Variants in PARP8 observed in about 807,000 individuals in gnomAD.
The protein encoded by PARP8 is protein mono-ADP-ribosyltransferase PARP8.
In PARP8, 51 loss-of-function variants were observed where a neutral mutation model predicts 124.1. The ratio of observed to expected loss-of-function variants is 0.41; its 90% confidence interval spans 0.33 to 0.52. The LOEUF (loss-of-function observed/expected upper bound fraction) is 0.52. PARP8 is among the 20% of genes least tolerant of loss of function. The probability of loss-of-function intolerance (pLI) is 0.21; values close to 1 mark genes in which losing one functional copy is unlikely to be tolerated. For synonymous variants in PARP8, 391 were observed against 361.5 expected (o/e 1.08, Z -0.93); for missense variants, 860 against 1,018.9 (o/e 0.84, Z 2.12).
intron 2 of PARP8, among the ~76,000 whole-genome samples, chr5:50,681,003 G>A (rs11750241): frequency 0.85 from 128,717 of 152,136 alleles, 54,828 homozygotes; most frequent in East Asian, 0.96. Flanking sequence ...TTATGCTTAT[G>A]AATTCAAAAG....
chr5:50,704,177 C>T (rs1314535216), intron 2 of PARP8, among the ~76,000 whole-genome samples: 3 of 152,016 alleles, frequency 2.0e-5, no homozygotes, highest in Admixed American at 6.6e-5. Context: ...TTCCTTTACC[C>T]TTTGAAACTT....
chr5:50,739,966 G>T (rs1757878199), intron 2 of PARP8, among the ~76,000 whole-genome samples: 1 of 151,732 alleles, frequency 6.6e-6, no homozygotes, highest in Non-Finnish European at 1.5e-5. Flanking sequence ...GGCCAGGCTG[G>T]TCTTGAACTC....
At chr5:50,776,869 A>G (rs1274541272) in intron 7 of PARP8, among the ~76,000 whole-genome samples, 4 of 152,192 alleles carry the variant, frequency 2.6e-5, no homozygotes, top group South Asian at 2.1e-4. Context: ...TATGCCAGAT[A>G]CCATACTTGA....
In PARP8 at chr5:50,764,641, T is replaced by G. The variant is rs1407949630; in HGVS notation, c.518+1399T>G. Among the ~76,000 whole-genome samples the G allele has an allele frequency of 2.0e-5, 3 of 152,198 alleles. No homozygotes were observed. The East Asian group carries it at 5.8e-4, about 29-fold the overall frequency. ...GGATTATATTTGGAAAAGCAAGTCT[T>G]CTCTTTGCAGACTTCAAAGTTTTAG... On this transcript the variant is annotated intron_variant, in intron 7 of 25. Transcript: ENST00000281631.
chr5:50,723,987 A>C (rs1756164799), intron 2 of PARP8, among the ~76,000 whole-genome samples: 1 of 152,114 alleles, frequency 6.6e-6, no homozygotes, highest in South Asian at 2.1e-4. Context: ...TTTTAAATTA[A>C]AAAAGAATCA....
intron 2 of PARP8, among the ~76,000 whole-genome samples, chr5:50,676,061 T>C (rs1001818002): frequency 3.3e-5 from 5 of 152,226 alleles, no homozygotes; most frequent in African/African-American, 1.2e-4. Flanking sequence ...GTTTTAATGA[T>C]TGGCTTTTTA....
At chr5:50,832,997 A>G (rs992722594) in intron 23 of PARP8, 143 bp downstream of exon 23, 2 of 673,568 alleles carry the variant, frequency 3.0e-6, no homozygotes, top group South Asian at 1.9e-5. Flanking sequence ...TCACTCTGAA[A>G]TGCAGTAACT....
chr5:50,714,084 C>CT (rs34294100), intron 2 of PARP8, among the ~76,000 whole-genome samples: 2,458 of 137,712 alleles, frequency 0.018, 63 homozygotes, highest in African/African-American at 0.055. Flanking sequence ...TTCTTTCTTT[C>CT]TTTTTTTTTT....
At chr5:50,706,608 G>A (rs1047843654) in intron 2 of PARP8, among the ~76,000 whole-genome samples, 9 of 151,890 alleles carry the variant, frequency 5.9e-5, no homozygotes, top group African/African-American at 1.7e-4. Flanking sequence ...TTTTGTTTTT[G>A]CATTTAAGAC....
chr5:50,667,791 G>C, intron 1 of PARP8: 1 of 909,328 alleles, frequency 1.1e-6, no homozygotes, highest in Non-Finnish European at 1.7e-6. Context: ...TTTCGCTACC[G>C]CGAGCCCGGC....
chr5:50,812,875 G>C lies in PARP8; in HGVS notation c.1576-2557G>C, dbSNP rs575924567. Among the ~76,000 whole-genome samples, 263 of 151,966 alleles carry C rather than the reference G, an allele frequency of 1.7e-3. 2 individuals are homozygous for C. Among genetic ancestry groups the C allele is most frequent in the African/African-American group, 6.0e-3 (249 of 41,404 alleles). ...AATCCTTTCCCTATTTCTTGTTTTT[G>C]TCAGGTTTGTCAAAGATCAGATGGT... On this transcript the variant is annotated intron_variant, in intron 14 of 25. Coordinates refer to ENST00000281631, the MANE Select transcript of PARP8 (RefSeq NM_024615.4).
intron 3 of PARP8, among the ~76,000 whole-genome samples, chr5:50,753,704 A>G (rs1374528820): frequency 6.6e-6 from 1 of 152,030 alleles, no homozygotes; most frequent in Non-Finnish European, 1.5e-5. Flanking sequence ...GAAATTATGT[A>G]GAAAATTCAG....
intron 5 of PARP8, among the ~76,000 whole-genome samples, chr5:50,761,551 T>C (rs984108940): frequency 6.6e-6 from 1 of 152,068 alleles, no homozygotes; most frequent in African/African-American, 2.4e-5. Flanking sequence ...TAATTGATTA[T>C]ACATAAGTTT....
intron 3 of PARP8, chr5:50,757,230 A>T: frequency 4.4e-6 from 2 of 453,804 alleles, no homozygotes; most frequent in Non-Finnish European, 8.9e-6. Flanking sequence ...AGTAGAAGAA[A>T]TAGATAAATT....
intron 6 of PARP8, among the ~76,000 whole-genome samples, chr5:50,762,345 AT>A (rs1350932367): frequency 1.3e-5 from 2 of 152,122 alleles, no homozygotes; most frequent in African/African-American, 4.8e-5. Context: ...CTGCCATTGA[AT>A]TCTTGGTGTT....
chr5:50,742,264 T>C (rs1758125950), intron 2 of PARP8, among the ~76,000 whole-genome samples: 1 of 152,258 alleles, frequency 6.6e-6, no homozygotes, highest in Non-Finnish European at 1.5e-5. Context: ...TTTTAAATAA[T>C]GCTACCATTA....
chr5:50,729,977 G>A (rs565823590), intron 2 of PARP8, among the ~76,000 whole-genome samples: 2 of 152,280 alleles, frequency 1.3e-5, no homozygotes, highest in South Asian at 4.1e-4. Flanking sequence ...GAGAATGCAA[G>A]CATTGTCAAA....
chr5:50,744,431 G>C (rs963871067), intron 2 of PARP8, among the ~76,000 whole-genome samples: 3 of 152,186 alleles, frequency 2.0e-5, no homozygotes, highest in Non-Finnish European at 4.4e-5. Context: ...GCAACTGACA[G>C]CTGCTTTGGG....
At chr5:50,676,801 TA>T (rs1164192347) in intron 2 of PARP8, among the ~76,000 whole-genome samples, 1 of 152,246 alleles carries the variant, frequency 6.6e-6, no homozygotes, top group Non-Finnish European at 1.5e-5. Flanking sequence ...GTGAAAGATT[TA>T]AAATCATTTC....
Sources: gnomAD v4.1 joint callset for allele counts (sites outside exome capture counted in the v4.1 genomes callset) on GRCh38, gnomAD v4.1.1 for gene constraint, MANE v1.5 for transcripts, NCBI Gene and HGNC (gene_info 2026-07-23, HGNC 2026-07-21) for gene names.